ATP8A1: variants seen among roughly 807,000 people sequenced by gnomAD.
The protein encoded by ATP8A1 is ATPase phospholipid transporting 8A1.
In ATP8A1, 90 loss-of-function variants were observed where a neutral mutation model predicts 177.7. That is an observed-to-expected ratio of 0.51 (90% confidence interval 0.43 to 0.60). ATP8A1 has a LOEUF of 0.60. Ranked by LOEUF, ATP8A1 falls within the 20% of genes least tolerant of loss-of-function variation. The probability of loss-of-function intolerance (pLI) is 0.00; values close to 1 mark genes in which losing one functional copy is unlikely to be tolerated. For missense variants in ATP8A1, 1,072 were observed against 1,392.8 expected (o/e 0.77, Z 3.67); for synonymous variants, 493 against 485.9 (o/e 1.01, Z -0.19).
In ATP8A1 at chr4:42,586,449, C is replaced by T. The variant is rs1560489480; in HGVS notation, c.622G>A (p.Asp208Asn). Reference sequence around the variant, plus strand: ...GAAATCCTCATCAAACTGTCAACGTCTTTGATATCTGATGTTGCTGGTAAG... The same window carrying T: ...GAAATCCTCATCAAACTGTCAACGTTTTTGATATCTGATGTTGCTGGTAAG... ...QGLPATSDIKDVDSLMRISGR... is the reference protein window; with the variant it reads ...QGLPATSDIKNVDSLMRISGR... The change falls in exon 9 of 37, where the codon GAC becomes AAC. Residue 208 changes from aspartate to asparagine, a missense_variant. Asp to Asn is a conservative substitution (Grantham distance 23). Around this residue, in one of 5 missense-constraint regions of ATP8A1, gnomAD observed 344 missense variants for 393.5 expected, o/e 0.87. Coordinates refer to ENST00000381668, the MANE Select transcript of ATP8A1 (RefSeq NM_006095.2). 1 of 1,614,052 alleles carries T rather than the reference C, an allele frequency of 6.2e-7. No homozygotes were observed.
chr4:42,574,504 AC>A, intron 14 of ATP8A1, 114 bp downstream of exon 14: 5 of 766,658 alleles, frequency 6.5e-6, no homozygotes, highest in East Asian at 2.9e-5. Flanking sequence ...TGCTTTTCAG[AC>A]TAAAAAAAAC....
intron 21 of ATP8A1, among the ~76,000 whole-genome samples, chr4:42,522,951 C>T (rs1333173834): frequency 6.6e-6 from 1 of 152,044 alleles, no homozygotes; most frequent in African/African-American, 2.4e-5. Flanking sequence ...AGCATAGTGG[C>T]TGACTTATTA....
At chr4:42,486,496 G>A (rs1218520384) in intron 24 of ATP8A1, among the ~76,000 whole-genome samples, 4 of 152,090 alleles carry the variant, frequency 2.6e-5, no homozygotes, top group South Asian at 2.1e-4. Flanking sequence ...CTAATTAGAC[G>A]GGGAGGAAAG....
At chr4:42,555,320 G>A (rs1399752021) in intron 16 of ATP8A1, among the ~76,000 whole-genome samples, 1 of 151,090 alleles carries the variant, frequency 6.6e-6, no homozygotes, top group East Asian at 1.9e-4. Context: ...GTACTGAGCA[G>A]ATAACTTATT....
intron 18 of ATP8A1, among the ~76,000 whole-genome samples, chr4:42,550,110 C>A (rs1729346899): frequency 1.3e-5 from 2 of 152,050 alleles, no homozygotes; most frequent in South Asian, 4.2e-4. Flanking sequence ...AACCACTGTT[C>A]TGAATTCTAT....
At chr4:42,447,214 T>A (rs559987073) in intron 30 of ATP8A1, among the ~76,000 whole-genome samples, 1 of 152,140 alleles carries the variant, frequency 6.6e-6, no homozygotes, top group South Asian at 2.1e-4. Context: ...TAGACGGTCT[T>A]ACTTTGTCAT....
At chr4:42,615,523 A>C (rs1577706950) in intron 5 of ATP8A1, among the ~76,000 whole-genome samples, 1 of 152,144 alleles carries the variant, frequency 6.6e-6, no homozygotes, top group Admixed American at 6.5e-5. Context: ...GGCTGTATCA[A>C]AATGAGCCCC....
chr4:42,439,413 A>G (rs1716378019), intron 33 of ATP8A1, among the ~76,000 whole-genome samples: 1 of 152,236 alleles, frequency 6.6e-6, no homozygotes, highest in South Asian at 2.1e-4. Flanking sequence ...AGATGTACTT[A>G]TGTGAGCTGA....
At chr4:42,516,612 A>G (rs1050466469) in intron 22 of ATP8A1, among the ~76,000 whole-genome samples, 13 of 152,242 alleles carry the variant, frequency 8.5e-5, no homozygotes, top group African/African-American at 3.1e-4. Context: ...GTATTTTTCT[A>G]TTGAAGCAAA....
chr4:42,475,040 A>G (rs76296127), intron 25 of ATP8A1, among the ~76,000 whole-genome samples: 5,813 of 152,328 alleles, frequency 0.038, 367 homozygotes, highest in African/African-American at 0.13. Flanking sequence ...GAACAATCCC[A>G]TAAGTTATTA....
chr4:42,654,322 C>T (rs1560568951), intron 1 of ATP8A1, among the ~76,000 whole-genome samples: 1 of 152,174 alleles, frequency 6.6e-6, no homozygotes. Flanking sequence ...GTCCTTTCTC[C>T]CCAGTTTGGT....
At chr4:42,504,043 A>G (rs538922030) in intron 23 of ATP8A1, among the ~76,000 whole-genome samples, 1 of 152,090 alleles carries the variant, frequency 6.6e-6, no homozygotes, top group African/African-American at 2.4e-5. Context: ...AACTTGGCCT[A>G]CTCTGTACCT....
intron 24 of ATP8A1, among the ~76,000 whole-genome samples, chr4:42,488,268 C>T (rs1328035547): frequency 1.3e-5 from 2 of 152,284 alleles, no homozygotes; most frequent in African/African-American, 2.4e-5. Flanking sequence ...GCAGGAGGCA[C>T]TACTGTTATC....
chr4:42,613,360 G>A (rs1472337330), intron 5 of ATP8A1, among the ~76,000 whole-genome samples: 1 of 137,286 alleles, frequency 7.3e-6, no homozygotes, highest in African/African-American at 2.7e-5. Flanking sequence ...ATCCATGAGG[G>A]ATTAGTTCCA....
chr4:42,513,803 T>C (rs531244945), intron 22 of ATP8A1, among the ~76,000 whole-genome samples: 1 of 152,262 alleles, frequency 6.6e-6, no homozygotes, highest in African/African-American at 2.4e-5. Context: ...GAAAGGTCAC[T>C]AGTAGCTGTA....
intron 33 of ATP8A1, among the ~76,000 whole-genome samples, chr4:42,428,161 T>A (rs1309973014): frequency 6.6e-6 from 1 of 152,226 alleles, no homozygotes; most frequent in Non-Finnish European, 1.5e-5. Flanking sequence ...TCTGTTAGCA[T>A]ACAAACACCC....
chr4:42,463,512 GC>G (rs1323266068), intron 27 of ATP8A1, among the ~76,000 whole-genome samples: 1 of 152,122 alleles, frequency 6.6e-6, no homozygotes, highest in African/African-American at 2.4e-5. Context: ...AAATTGCCCA[GC>G]CTTGGGTATG....
chr4:42,635,525 G>T (rs1340791104), intron 1 of ATP8A1, among the ~76,000 whole-genome samples: 2 of 151,530 alleles, frequency 1.3e-5, no homozygotes, highest in East Asian at 1.9e-4. Flanking sequence ...TCTAATAAAA[G>T]AATATTAACA....
chr4:42,506,990 T>C, intron 23 of ATP8A1, 26 bp downstream of exon 23: 6 of 1,609,110 alleles, frequency 3.7e-6, no homozygotes, highest in Non-Finnish European at 5.1e-6. Flanking sequence ...AGCACCAACA[T>C]GTAAAATGTG....
Sources: allele counts gnomAD v4.1 joint callset (sites outside exome capture counted in the v4.1 genomes callset), GRCh38; gene constraint gnomAD v4.1.1; regional missense constraint gnomAD v4.1.1; transcripts MANE v1.5; gene names NCBI Gene and HGNC (gene_info 2026-07-23, HGNC 2026-07-21).